Variants in LRRC69 observed in about 807,000 individuals in gnomAD.
The protein encoded by LRRC69 is leucine rich repeat containing 69, also known as leucine-rich repeat-containing protein 69.
In LRRC69, 42 loss-of-function variants were observed where a neutral mutation model predicts 37.8. That is an observed-to-expected ratio of 1.11 (90% CI 0.87 to 1.44). The LOEUF is 1.44. LRRC69 is among the 40% of genes most tolerant of loss of function. The pLI is 0.00. For missense variants in LRRC69, 357 were observed against 401.9 expected, an observed-to-expected ratio of 0.89 and a Z score of 0.96; for synonymous variants, 141 against 143.1, an observed-to-expected ratio of 0.99 and a Z score of 0.11.
At chr8:91,181,429 C>A (rs898446750) in intron 5 of LRRC69, among the ~76,000 whole-genome samples, 2 of 152,084 alleles carry the variant, frequency 1.3e-5, no homozygotes, top group African/African-American at 4.8e-5. Flanking sequence ...GTATTGAAGT[C>A]ATTTCATCTT....
At chr8:91,156,794 G>T (rs1426248419) in intron 5 of LRRC69, among the ~76,000 whole-genome samples, 1 of 150,910 alleles carries the variant, frequency 6.6e-6, no homozygotes, top group Non-Finnish European at 1.5e-5. Context: ...GTTGATTTTT[G>T]TTTATGGTGG....
intron 5 of LRRC69, among the ~76,000 whole-genome samples, chr8:91,178,376 A>T (rs1037433025): frequency 5.3e-5 from 8 of 152,120 alleles, no homozygotes; most frequent in African/African-American, 1.7e-4. Flanking sequence ...ACTTGTTCTG[A>T]GTTACCTTTT....
At chr8:91,116,823 C>G (rs1813519088) in intron 1 of LRRC69, among the ~76,000 whole-genome samples, 1 of 151,962 alleles carries the variant, frequency 6.6e-6, no homozygotes, top group Non-Finnish European at 1.5e-5. Flanking sequence ...AAGTATTGGT[C>G]AGTATTGTCA....
intron 7 of LRRC69, among the ~76,000 whole-genome samples, chr8:91,214,235 G>A (rs1809995257): frequency 6.6e-6 from 1 of 152,172 alleles, no homozygotes; most frequent in Admixed American, 6.5e-5. Flanking sequence ...TCTGAGGGGT[G>A]TGAAGGAGAA....
intron 3 of LRRC69, among the ~76,000 whole-genome samples, chr8:91,127,778 A>T (rs1200114138): frequency 1.3e-5 from 2 of 151,576 alleles, no homozygotes; most frequent in South Asian, 2.1e-4. Context: ...TACTTTGGAG[A>T]CTCCCTTTAT....
chr8:91,211,621 T>TA (rs1441573283), intron 7 of LRRC69, among the ~76,000 whole-genome samples: 29 of 144,952 alleles, frequency 2.0e-4, no homozygotes, highest in Non-Finnish European at 3.8e-4. Flanking sequence ...TATATATTTT[T>TA]TTTTTATTTT....
intron 6 of LRRC69, among the ~76,000 whole-genome samples, chr8:91,192,907 A>C (rs1809526009): frequency 6.6e-6 from 1 of 152,158 alleles, no homozygotes; most frequent in African/African-American, 2.4e-5. Flanking sequence ...TGTTTTAGAC[A>C]TGAAGTCCTT....
intron 5 of LRRC69, among the ~76,000 whole-genome samples, chr8:91,181,278 AAG>A (rs1809320321): frequency 1.3e-5 from 2 of 152,178 alleles, no homozygotes. Flanking sequence ...TATATAACTG[AAG>A]AGTCATTGCT....
intron 5 of LRRC69, among the ~76,000 whole-genome samples, chr8:91,185,125 A>G (rs192173230): frequency 1.3e-5 from 2 of 152,296 alleles, no homozygotes; most frequent in East Asian, 3.9e-4. Context: ...ATGGGGTCTA[A>G]AGCAGGTATG....
At chr8:91,150,106 A>C (rs1808704273) in intron 5 of LRRC69, among the ~76,000 whole-genome samples, 1 of 152,006 alleles carries the variant, frequency 6.6e-6, no homozygotes, top group South Asian at 2.1e-4. Context: ...CCCTGGCCAG[A>C]ACTTCCAACA....
At chr8:91,103,991 T>A (rs113816753) in intron 1 of LRRC69, among the ~76,000 whole-genome samples, 1 of 151,896 alleles carries the variant, frequency 6.6e-6, no homozygotes, top group Non-Finnish European at 1.5e-5. Flanking sequence ...CTATCCCACT[T>A]CCCCTCATCC....
chr8:91,213,395 G>T (rs1051960796), intron 7 of LRRC69, among the ~76,000 whole-genome samples: 2 of 152,114 alleles, frequency 1.3e-5, no homozygotes, highest in Middle Eastern at 3.2e-3. Context: ...CCAATGTATG[G>T]TTACCCTTGC....
intron 5 of LRRC69, among the ~76,000 whole-genome samples, chr8:91,177,746 G>C (rs1809257008): frequency 6.6e-6 from 1 of 152,020 alleles, no homozygotes; most frequent in African/African-American, 2.4e-5. Context: ...GGTTCTAGCA[G>C]TAGAATTGTA....
At chr8:91,180,032 T>C (rs963782259) in intron 5 of LRRC69, among the ~76,000 whole-genome samples, 56 of 152,342 alleles carry the variant, frequency 3.7e-4, no homozygotes, top group Non-Finnish European at 1.3e-4. Context: ...TTGGGATTTA[T>C]CCATATATTT....
chr8:91,156,113 A>G (rs1563608117), intron 5 of LRRC69, among the ~76,000 whole-genome samples: 1 of 150,808 alleles, frequency 6.6e-6, no homozygotes, highest in Admixed American at 6.6e-5. Context: ...TAGATTTTTG[A>G]GGAAACTTCA....
intron 6 of LRRC69, among the ~76,000 whole-genome samples, chr8:91,199,989 T>C (rs1809685467): frequency 6.6e-6 from 1 of 152,174 alleles, no homozygotes; most frequent in African/African-American, 2.4e-5. Flanking sequence ...TAAATTCACA[T>C]ATTTGGTTCC....
intron 7 of LRRC69, among the ~76,000 whole-genome samples, chr8:91,214,516 G>T (rs1810002573): frequency 6.6e-6 from 1 of 152,084 alleles, no homozygotes. Context: ...ATCATACAAT[G>T]ACTAACACTA....
chr8:91,133,715 A>G (rs1586236714), intron 4 of LRRC69, among the ~76,000 whole-genome samples: 3 of 151,878 alleles, frequency 2.0e-5, no homozygotes, highest in Admixed American at 2.0e-4. Flanking sequence ...GCTCACTGCA[A>G]CCTCCACATC....
chr8:91,146,189 C>G (rs1808615481), intron 5 of LRRC69, among the ~76,000 whole-genome samples: 1 of 151,528 alleles, frequency 6.6e-6, no homozygotes, highest in Non-Finnish European at 1.5e-5. Context: ...CGCTAGCTAC[C>G]CTTGGAAATT....
Sources: gnomAD v4.1 joint callset for allele counts (sites outside exome capture counted in the v4.1 genomes callset) on GRCh38, gnomAD v4.1.1 for gene constraint, MANE v1.5 for transcripts, NCBI Gene and HGNC (gene_info 2026-07-23, HGNC 2026-07-21) for gene names.